Variants in LRP1B observed in about 807,000 individuals in gnomAD.
LRP1B encodes the protein low-density lipoprotein receptor-related protein 1B.
Under a neutral mutation model 556.6 loss-of-function variants are expected in LRP1B, and 217 were observed. The ratio of observed to expected loss-of-function variants is 0.39; its 90% CI spans 0.35 to 0.44. The LOEUF (loss-of-function observed/expected upper bound fraction) is 0.44, where lower values mean the gene tolerates loss of function less well. Among genes scored for constraint, LRP1B ranks in the 20% least tolerant of loss-of-function variants. The pLI, the probability that LRP1B is intolerant of heterozygous loss-of-function variation, is 1.00. For synonymous variants in LRP1B, 2,047 were observed against 1,865.8 expected (o/e 1.10, Z -2.50); for missense variants, 5,053 against 5,620.8 (o/e 0.90, Z 3.23).
chr2:141,136,677 A>C (rs1227349064), intron 7 of LRP1B, among the ~76,000 whole-genome samples: 1 of 151,820 alleles, frequency 6.6e-6, no homozygotes, highest in African/African-American at 2.4e-5. Flanking sequence ...TTAATTAGGA[A>C]AAAGGTACCT....
At chr2:140,343,658 C>T (rs1681509387) in intron 77 of LRP1B, among the ~76,000 whole-genome samples, 1 of 151,562 alleles carries the variant, frequency 6.6e-6, no homozygotes, top group Non-Finnish European at 1.5e-5. Context: ...GATTCTACTA[C>T]ATATTGAAAA....
chr2:141,462,188 T>C (rs553927477), intron 3 of LRP1B, among the ~76,000 whole-genome samples: 13 of 152,188 alleles, frequency 8.5e-5, no homozygotes, highest in Non-Finnish European at 1.9e-4. Context: ...TGTAGTTCCT[T>C]GTCTAGCCCA....
intron 84 of LRP1B, among the ~76,000 whole-genome samples, chr2:140,281,934 AC>A: frequency 6.6e-6 from 1 of 151,866 alleles, no homozygotes; most frequent in South Asian, 2.1e-4. Flanking sequence ...TTCCAGAGCA[AC>A]CAACAATATA....
chr2:141,021,077 A>T (rs1050212335), intron 11 of LRP1B, among the ~76,000 whole-genome samples: 1 of 151,988 alleles, frequency 6.6e-6, no homozygotes, highest in Admixed American at 6.6e-5. Flanking sequence ...TAGAGTACAT[A>T]GACTTCCTCT....
At chr2:140,275,834 C>T (rs1373675545) in intron 84 of LRP1B, among the ~76,000 whole-genome samples, 2 of 151,954 alleles carry the variant, frequency 1.3e-5, no homozygotes, top group Non-Finnish European at 2.9e-5. Context: ...GGAAGGAACA[C>T]TTCACCCAAA....
At chr2:141,631,217 C>T (rs1318308224) in intron 2 of LRP1B, among the ~76,000 whole-genome samples, 5 of 151,780 alleles carry the variant, frequency 3.3e-5, no homozygotes, top group Non-Finnish European at 5.9e-5. Flanking sequence ...TGTGAGAACT[C>T]ACTCACTCAC....
At chr2:141,759,198 T>C (rs888524355) in intron 2 of LRP1B, among the ~76,000 whole-genome samples, 13 of 152,020 alleles carry the variant, frequency 8.6e-5, no homozygotes, top group African/African-American at 3.1e-4. Flanking sequence ...GAGACTGAGA[T>C]AAAAAGTTCA....
intron 1 of LRP1B, among the ~76,000 whole-genome samples, chr2:141,861,733 C>G (rs757903423): frequency 6.6e-6 from 1 of 152,094 alleles, no homozygotes. Flanking sequence ...GGTTTGAGAA[C>G]AGCCTGGCCA....
At chr2:141,022,940 T>A (rs1032185756) in intron 11 of LRP1B, among the ~76,000 whole-genome samples, 1 of 151,894 alleles carries the variant, frequency 6.6e-6, no homozygotes, top group Non-Finnish European at 1.5e-5. Flanking sequence ...AAAATCTCCC[T>A]TAGCTTTCAC....
intron 41 of LRP1B, among the ~76,000 whole-genome samples, chr2:140,677,275 A>T (rs1191565446): frequency 6.6e-6 from 1 of 152,244 alleles, no homozygotes; most frequent in African/African-American, 2.4e-5. Context: ...AAAGATGGCA[A>T]TGATTTAAAG....
chr2:140,807,192 C>A (rs1167001739), intron 32 of LRP1B, among the ~76,000 whole-genome samples: 1 of 152,058 alleles, frequency 6.6e-6, no homozygotes, highest in Non-Finnish European at 1.5e-5. Flanking sequence ...ATTAAAAATC[C>A]CTGTAACTGA....
At chr2:141,947,042 AAAGT>A (rs1450159760) in intron 1 of LRP1B, among the ~76,000 whole-genome samples, 5 of 152,148 alleles carry the variant, frequency 3.3e-5, no homozygotes, top group Non-Finnish European at 5.9e-5. Context: ...TGAGTGACGC[AAAGT>A]AAGAGGATGT....
chr2:140,467,837 A>T (rs529311433), intron 60 of LRP1B, among the ~76,000 whole-genome samples: 2 of 152,308 alleles, frequency 1.3e-5, no homozygotes, highest in South Asian at 4.1e-4. Flanking sequence ...GCTTTGTTGC[A>T]CTGCTTATAG....
chr2:140,563,510 C>T (rs1289766774), intron 43 of LRP1B, among the ~76,000 whole-genome samples: 1 of 152,100 alleles, frequency 6.6e-6, no homozygotes, highest in Non-Finnish European at 1.5e-5. Context: ...CTCAGCCTTA[C>T]GAAGCAGATT....
chr2:140,464,513 C>T (rs1191749801), intron 60 of LRP1B, among the ~76,000 whole-genome samples: 1 of 152,096 alleles, frequency 6.6e-6, no homozygotes, highest in East Asian at 1.9e-4. Flanking sequence ...TTTTATAAAG[C>T]AGACTGTCTA....
intron 3 of LRP1B, among the ~76,000 whole-genome samples, chr2:141,366,069 AC>A (rs1433843070): frequency 6.6e-6 from 1 of 152,212 alleles, no homozygotes; most frequent in Non-Finnish European, 1.5e-5. Flanking sequence ...ATATAAAACA[AC>A]TGGTTCTTAT....
intron 23 of LRP1B, among the ~76,000 whole-genome samples, chr2:140,897,159 A>T (rs922373689): frequency 1.6e-4 from 24 of 152,348 alleles, no homozygotes; most frequent in East Asian, 3.9e-4. Flanking sequence ...CTATAAAATT[A>T]TGAACAAAAC....
chr2:140,445,109 TCTC>T (rs890444513), intron 63 of LRP1B, among the ~76,000 whole-genome samples: 3 of 151,876 alleles, frequency 2.0e-5, no homozygotes, highest in African/African-American at 7.3e-5. Flanking sequence ...CAATACATAT[TCTC>T]TCTCTCTCTT....
At chr2:140,510,199 A>G in intron 51 of LRP1B, 143 bp from the exon 52 acceptor site, 2 of 792,300 alleles carry the variant, frequency 2.5e-6, no homozygotes, top group Non-Finnish European at 3.9e-6. Context: ...ATCATTAAAC[A>G]TCATTCTTCC....
Sources: gnomAD v4.1 joint callset for allele counts (sites outside exome capture counted in the v4.1 genomes callset) on GRCh38, gnomAD v4.1.1 for gene constraint, MANE v1.5 for transcripts, NCBI Gene and HGNC (gene_info 2026-07-23, HGNC 2026-07-21) for gene names.